KMT2C: variants seen among roughly 807,000 people sequenced by gnomAD.
The protein encoded by KMT2C is histone-lysine N-methyltransferase 2C.
In KMT2C, 88 loss-of-function variants were observed where a neutral mutation model predicts 507.9. That is an observed-to-expected ratio of 0.17 (90% confidence interval 0.15 to 0.21). KMT2C has a LOEUF of 0.21. Ranked by LOEUF, KMT2C falls within the 10% of genes least tolerant of loss-of-function variation. KMT2C has a pLI of 1.00. For missense variants in KMT2C, 4,954 were observed against 5,957.8 expected, an observed-to-expected ratio of 0.83 and a Z score of 5.55; for synonymous variants, 2,049 against 2,080.8, an observed-to-expected ratio of 0.98 and a Z score of 0.42.
intron 3 of KMT2C, among the ~76,000 whole-genome samples, chr7:152,318,706 A>G (rs951336900): frequency 2.0e-5 from 3 of 151,936 alleles, no homozygotes; most frequent in African/African-American, 7.2e-5. Flanking sequence ...AAGGACAAAA[A>G]TGTTGATGGG....
chr7:152,250,971 A>G lies in KMT2C; in HGVS notation c.1622-5T>C, dbSNP rs2095553624. On this transcript the variant is annotated splice_polypyrimidine_tract_variant and splice_region_variant and intron_variant, in intron 11 of 58. Coordinates refer to ENST00000262189, the MANE Select transcript of KMT2C (RefSeq NM_170606.3). Reference sequence around the variant, plus strand: ...CTTCCATTTCATTGTTATAATCTTAACAAAAAATTATTAATTCTTTAGCTC... The same window carrying G: ...CTTCCATTTCATTGTTATAATCTTAGCAAAAAATTATTAATTCTTTAGCTC... The G allele has an allele frequency of 2.7e-6, 4 of 1,472,878 alleles. No individual in the cohort carries two copies. Among genetic ancestry groups the G allele is most frequent in the Non-Finnish European group, 3.8e-6 (4 of 1,054,506 alleles). 91.2% of individuals were successfully genotyped at this position (1,472,878 alleles called of 1,614,324 possible). A position where few individuals can be genotyped will look rare whatever the true frequency, so the allele number is the denominator to read the frequency against.
chr7:152,218,919 A>C (rs1206198942), intron 23 of KMT2C, among the ~76,000 whole-genome samples: 1 of 151,834 alleles, frequency 6.6e-6, no homozygotes, highest in Non-Finnish European at 1.5e-5. Context: ...ATCTGTGCTC[A>C]AATACTGCTT....
intron 39 of KMT2C, among the ~76,000 whole-genome samples, chr7:152,173,364 T>C (rs2093051434): frequency 6.6e-6 from 1 of 152,230 alleles, no homozygotes. Flanking sequence ...GGTTCTCATA[T>C]AGTAATACAC....
At chr7:152,358,954 CCT>C (rs2097173923) in intron 1 of KMT2C, among the ~76,000 whole-genome samples, 1 of 152,014 alleles carries the variant, frequency 6.6e-6, no homozygotes, top group African/African-American at 2.4e-5. Flanking sequence ...TGGTTTTGCC[CCT>C]TTTTTAGGTA....
At position 152,148,204 on chromosome 7, in the gene KMT2C, G is replaced by T. The variant is rs917877853; in HGVS notation, c.13723C>A (p.Leu4575Ile). 27 of 1,614,254 alleles carry T rather than the reference G, an allele frequency of 1.7e-5. No individual in the cohort carries two copies. The highest frequency in any genetic ancestry group is 2.2e-5 in the Non-Finnish European group (26 of 1,180,028). ...CTGGCTTCATAGCCCACAGGGAAGA[G>T]TGCTTTAGGAGAATGGAATGCTTGC... ...QMQAFHSPKA[L>I]FPVGYEASRL... is the part of the protein sequence containing the mutation. Residue 4575 changes from leucine to isoleucine, a missense_variant, in exon 52 of 59, where the codon CTC (leucine) becomes ATC (isoleucine). Physicochemically the swap from Leu to Ile is conservative, Grantham distance 5. Coordinates refer to ENST00000262189, the MANE Select transcript of KMT2C (RefSeq NM_170606.3). This position sits in a 1 kb window ranked among gnomAD's most constrained non-coding sequence, Gnocchi z 7.1.
chr7:152,367,468 T>A, intron 1 of KMT2C: 1 of 791,008 alleles, frequency 1.3e-6, no homozygotes, highest in Non-Finnish European at 2.2e-6. Flanking sequence ...TCTACCCACC[T>A]CGGCCTCCCA....
intron 55 of KMT2C, among the ~76,000 whole-genome samples, chr7:152,143,612 C>A (rs917033677): frequency 2.0e-5 from 3 of 152,130 alleles, no homozygotes; most frequent in Admixed American, 2.0e-4. Flanking sequence ...AACAGAGGGG[C>A]AGAACTTGCA....
At chr7:152,182,913 G>T (rs2093481184) in intron 35 of KMT2C, 61 bp downstream of exon 35, 2 of 1,180,026 alleles carry the variant, frequency 1.7e-6, no homozygotes, top group Non-Finnish European at 1.2e-6. Flanking sequence ...ATAATGCAAA[G>T]ACCTCCCTTC....
intron 54 of KMT2C, 124 bp downstream of exon 54, chr7:152,145,029 T>C (rs1267829491): frequency 5.8e-6 from 8 of 1,386,358 alleles, no homozygotes; most frequent in African/African-American, 2.9e-5. Context: ...CGAGTTCTCT[T>C]ATGTAGTTGG....
intron 7 of KMT2C, among the ~76,000 whole-genome samples, chr7:152,273,118 C>T (rs79301188): frequency 6.8e-4 from 103 of 151,986 alleles, no homozygotes; most frequent in African/African-American, 1.7e-3. Context: ...GTAAATTTCA[C>T]GCATTTAAAC....
chr7:152,372,856 T>C (rs1356283947), intron 1 of KMT2C, among the ~76,000 whole-genome samples: 4 of 152,162 alleles, frequency 2.6e-5, no homozygotes, highest in Non-Finnish European at 4.4e-5. Flanking sequence ...ACAGACTAAA[T>C]GGACCTAACA....
Position 152,148,727 on chromosome 7 carries a change from C to T in KMT2C, c.13200G>A (p.Arg4400=). 1.2e-6 allele frequency: 2 copies of T among 1,614,210 alleles called. No individual in the cohort carries two copies. The highest frequency in any genetic ancestry group is 8.5e-7 in the Non-Finnish European group (1 of 1,180,040). ...CTTCTTCATGACAAAAGCAACATTT[C>T]CGATAGTCTTTGGGCACAGGATCAG... is the stretch of plus-strand genomic sequence containing the variant. ...LKPDPVPKDY[R]KCCFCHEEGD... Residue 4400 remains arginine, a synonymous_variant, in exon 52 of 59, where the codon CGG becomes CGA. Transcript: ENST00000262189. The surrounding 1 kb of genome is among the most constrained non-coding windows in gnomAD (Gnocchi z 7.1).
At chr7:152,203,134 T>G in intron 25 of KMT2C, 70 bp from the exon 26 acceptor site, 1 of 1,264,906 alleles carries the variant, frequency 7.9e-7, no homozygotes, top group Non-Finnish European at 1.1e-6. Flanking sequence ...GAAGGTAATT[T>G]TATACCTTAC....
Position 152,266,434 on chromosome 7 carries a change from G to T in KMT2C, c.1013-1225C>A, listed in dbSNP as rs182226381. Among the ~76,000 whole-genome samples, 5 of 151,842 alleles carry T rather than the reference G, an allele frequency of 3.3e-5. No individual in the cohort carries two copies. In the East Asian group the frequency reaches 9.6e-4, roughly 29 times the overall value. On this transcript the variant is annotated intron_variant, in intron 7 of 58. Transcript: ENST00000262189. ...TAATTTTTATATTTTCAGTAGAGAC[G>T]GTGTTTCGCCACATTGCCCAGGCTG...
intron 7 of KMT2C, among the ~76,000 whole-genome samples, chr7:152,271,545 C>G (rs765685966): frequency 1.3e-5 from 2 of 151,818 alleles, no homozygotes; most frequent in African/African-American, 4.8e-5. Context: ...TGATGGTATG[C>G]GCCTGTAATC....
At chr7:152,201,222 C>T (rs2094126648) in intron 26 of KMT2C, among the ~76,000 whole-genome samples, 1 of 151,328 alleles carries the variant, frequency 6.6e-6, no homozygotes, top group South Asian at 2.1e-4. Flanking sequence ...GGGGCTCCAT[C>T]CATATCGTCT....
intron 23 of KMT2C, among the ~76,000 whole-genome samples, chr7:152,215,713 T>A (rs1343042956): frequency 1.5e-5 from 2 of 134,920 alleles, no homozygotes; most frequent in Admixed American, 7.3e-5. Flanking sequence ...ACACACAAAA[T>A]ATATATATAT....
At chr7:152,288,994 T>C (rs1303808897) in intron 6 of KMT2C, among the ~76,000 whole-genome samples, 3 of 152,294 alleles carry the variant, frequency 2.0e-5, no homozygotes, top group Admixed American at 2.0e-4. Context: ...GAACTAAAAA[T>C]TAGTCATGAG....
chr7:152,312,273 T>C (rs185930812), intron 4 of KMT2C: 2 of 171,014 alleles, frequency 1.2e-5, no homozygotes, highest in East Asian at 3.1e-4. Context: ...ATTTAACACA[T>C]AAACTGAGTA....
Sources: gnomAD v4.1 joint callset for allele counts (sites outside exome capture counted in the v4.1 genomes callset) on GRCh38, gnomAD v4.1.1 for gene constraint, Gnocchi (gnomAD v3.1) non-coding constraint, MANE v1.5 for transcripts, NCBI Gene and HGNC (gene_info 2026-07-23, HGNC 2026-07-21) for gene names.